RSRC1: variants seen among roughly 807,000 people sequenced by gnomAD.
RSRC1 encodes the protein arginine and serine rich coiled-coil 1.
RSRC1 carries 39 observed loss-of-function variants against 49.1 expected under a neutral mutation model. The ratio of observed to expected loss-of-function variants is 0.79; its 90% CI spans 0.61 to 1.04. RSRC1 has a LOEUF of 1.04. RSRC1 is among the 50% of genes least tolerant of loss of function. The probability of loss-of-function intolerance (pLI) is 0.00; values close to 1 mark genes in which losing one functional copy is unlikely to be tolerated. For synonymous variants in RSRC1, 143 were observed against 130.8 expected (o/e 1.09, Z -0.63); for missense variants, 388 against 402.4 (o/e 0.96, Z 0.31).
At chr3:158,511,830 T>C (rs1203384242) in intron 7 of RSRC1, among the ~76,000 whole-genome samples, 1 of 151,916 alleles carries the variant, frequency 6.6e-6, no homozygotes, top group African/African-American at 2.4e-5. Flanking sequence ...TGGTGTGAGA[T>C]GGTATCTCAT....
At chr3:158,180,130 A>G (rs921617522) in intron 3 of RSRC1, among the ~76,000 whole-genome samples, 1 of 151,978 alleles carries the variant, frequency 6.6e-6, no homozygotes, top group Admixed American at 6.6e-5. Flanking sequence ...TTCTTTACTT[A>G]AAACATATTT....
At chr3:158,128,344 G>A (rs763222251) in intron 3 of RSRC1, among the ~76,000 whole-genome samples, 3 of 152,144 alleles carry the variant, frequency 2.0e-5, no homozygotes, top group Non-Finnish European at 4.4e-5. Flanking sequence ...TTGGCTTTGC[G>A]CTTGCCCGGA....
chr3:158,262,335 T>G (rs1254863822), intron 4 of RSRC1, among the ~76,000 whole-genome samples: 1 of 152,206 alleles, frequency 6.6e-6, no homozygotes, highest in African/African-American at 2.4e-5. Context: ...TCATTTTTTG[T>G]TTTTTGCATA....
chr3:158,154,987 C>T (rs1717775341), intron 3 of RSRC1, among the ~76,000 whole-genome samples: 1 of 152,190 alleles, frequency 6.6e-6, no homozygotes, highest in South Asian at 2.1e-4. Context: ...GTCACATCTT[C>T]AGGCTCCACT....
At chr3:158,424,542 T>G (rs1157074725) in intron 6 of RSRC1, among the ~76,000 whole-genome samples, 5 of 150,678 alleles carry the variant, frequency 3.3e-5, no homozygotes, top group Non-Finnish European at 7.4e-5. Flanking sequence ...AAAATTCTCT[T>G]TTTTGGTTGT....
At chr3:158,459,836 A>G (rs1427835876) in intron 6 of RSRC1, among the ~76,000 whole-genome samples, 1 of 151,968 alleles carries the variant, frequency 6.6e-6, no homozygotes, top group Non-Finnish European at 1.5e-5. Context: ...ACCATTATAT[A>G]AGTTTTATAC....
At chr3:158,262,197 T>C (rs1424769764) in intron 4 of RSRC1, among the ~76,000 whole-genome samples, 4 of 152,238 alleles carry the variant, frequency 2.6e-5, no homozygotes, top group Non-Finnish European at 5.9e-5. Flanking sequence ...CTAAGATTTC[T>C]TTGCCTAATT....
At chr3:158,259,537 A>G (rs534579652) in intron 4 of RSRC1, among the ~76,000 whole-genome samples, 11 of 152,288 alleles carry the variant, frequency 7.2e-5, no homozygotes, top group Admixed American at 2.0e-4. Context: ...TACTCAGCAC[A>G]GCACTGGGTC....
At chr3:158,298,314 A>G (rs986915840) in intron 5 of RSRC1, among the ~76,000 whole-genome samples, 13 of 152,060 alleles carry the variant, frequency 8.5e-5, no homozygotes, top group African/African-American at 2.9e-4. Context: ...ATGGATGACA[A>G]TCCTTGGATT....
intron 5 of RSRC1, among the ~76,000 whole-genome samples, chr3:158,339,274 G>A (rs1261777895): frequency 6.9e-6 from 1 of 144,336 alleles, no homozygotes; most frequent in Non-Finnish European, 1.5e-5. Context: ...AGTCCGGCCT[G>A]GGCGACAGAG....
chr3:158,422,654 G>C (rs1483060122), intron 6 of RSRC1, among the ~76,000 whole-genome samples: 3 of 150,872 alleles, frequency 2.0e-5, no homozygotes, highest in Non-Finnish European at 4.4e-5. Flanking sequence ...TCGCCACACT[G>C]ACTTCCACAA....
chr3:158,511,646 G>A (rs1483665195), intron 7 of RSRC1, among the ~76,000 whole-genome samples: 2 of 152,126 alleles, frequency 1.3e-5, no homozygotes, highest in Non-Finnish European at 2.9e-5. Context: ...CCAGTAATAG[G>A]ATGGCTGGGT....
rs561718601 is a variant in RSRC1, at chr3:158,140,983, C to T, written c.320+16992C>T. Among the ~76,000 whole-genome samples the T allele has an allele frequency of 6.6e-5, 10 of 152,268 alleles. No individual in the cohort carries two copies. In the South Asian group the frequency reaches 1.5e-3, roughly 22 times the overall value. ...CAGGCACCAGAGAGCTGTAGTATCA[C>T]GGAGCATTTTTATTAATTTATAAAA... On this transcript the variant is annotated intron_variant, in intron 3 of 9. Transcript: ENST00000611884.
At chr3:158,494,564 TTTAAA>T (rs1027002030) in intron 7 of RSRC1, among the ~76,000 whole-genome samples, 10 of 152,238 alleles carry the variant, frequency 6.6e-5, no homozygotes, top group Admixed American at 3.3e-4. Flanking sequence ...CTTTATAAAC[TTTAAA>T]TTAAATTTAA....
intron 4 of RSRC1, among the ~76,000 whole-genome samples, chr3:158,251,519 T>C (rs1460577976): frequency 6.6e-6 from 1 of 152,216 alleles, no homozygotes; most frequent in East Asian, 1.9e-4. Context: ...GTGTTCATTA[T>C]AGAGATCTTT....
chr3:158,329,165 C>A (rs770213735), intron 5 of RSRC1, among the ~76,000 whole-genome samples: 1 of 152,168 alleles, frequency 6.6e-6, no homozygotes, highest in Non-Finnish European at 1.5e-5. Flanking sequence ...TTTTTATCTT[C>A]TTTGCATTGG....
chr3:158,458,523 CT>C, intron 6 of RSRC1, among the ~76,000 whole-genome samples: 1 of 152,256 alleles, frequency 6.6e-6, no homozygotes, highest in African/African-American at 2.4e-5. Context: ...ATAGAAATGA[CT>C]TTCTTGGCGT....
intron 3 of RSRC1, among the ~76,000 whole-genome samples, chr3:158,180,323 A>G (rs1383694523): frequency 1.1e-5 from 1 of 91,490 alleles, no homozygotes; most frequent in East Asian, 3.4e-4. Context: ...ATGGTTTTTT[A>G]TTTTATCTTG....
intron 1 of RSRC1, among the ~76,000 whole-genome samples, chr3:158,119,019 T>G (rs1715064531): frequency 6.6e-6 from 1 of 152,222 alleles, no homozygotes; most frequent in South Asian, 2.1e-4. Context: ...CATCTCTGTC[T>G]TTTTTTACTG....
Sources: allele counts gnomAD v4.1 joint callset (sites outside exome capture counted in the v4.1 genomes callset), GRCh38; gene constraint gnomAD v4.1.1; transcripts MANE v1.5; gene names NCBI Gene and HGNC (gene_info 2026-07-23, HGNC 2026-07-21).